The following SPI1 variants were observed in gnomAD, a reference collection of about 807,000 sequenced individuals.
SPI1 encodes the protein Spi-1 proto-oncogene, also known as transcription factor PU.1.
In SPI1, 3 loss-of-function variants were observed where a neutral mutation model predicts 30.7. The observed-to-expected ratio is 0.10, with a 90% CI of 0.04 to 0.25. SPI1 has a LOEUF of 0.25. Ranked by LOEUF, SPI1 falls within the 10% of genes least tolerant of loss-of-function variation. The pLI is 1.00. For synonymous variants in SPI1, 169 were observed against 157.1 expected, an observed-to-expected ratio of 1.08 and a Z score of -0.56; for missense variants, 261 against 371.5, an observed-to-expected ratio of 0.70 and a Z score of 2.45.
chr11:47,358,650 A>G (rs1375118733), intron 4 of SPI1, 194 bp downstream of exon 4: 2 of 712,384 alleles, frequency 2.8e-6, no homozygotes, highest in Non-Finnish European at 5.1e-6. Context: ...AGATGCCCGT[A>G]TGCACTACAC....
chr11:47,376,246 G>A (rs905839730), intron 1 of SPI1, among the ~76,000 whole-genome samples: 18 of 151,672 alleles, frequency 1.2e-4, no homozygotes, highest in African/African-American at 3.9e-4. Context: ...ATGCACACAC[G>A]CAGAGTCTCC....
At chr11:47,367,135 ATAAAT>A (rs1459019604) in intron 2 of SPI1, among the ~76,000 whole-genome samples, 2 of 152,224 alleles carry the variant, frequency 1.3e-5, no homozygotes, top group African/African-American at 2.4e-5. Context: ...GGGTGTGTGA[ATAAAT>A]TAATGAATGT....
intron 4 of SPI1, 117 bp from the exon 5 acceptor site, chr11:47,355,663 G>T (rs1306873193): frequency 3.5e-6 from 3 of 852,548 alleles, no homozygotes; most frequent in Admixed American, 3.0e-5. Flanking sequence ...CAGGGGAACG[G>T]CTGCCCCAGC....
At chr11:47,366,855 A>C (rs1449113119) in intron 2 of SPI1, among the ~76,000 whole-genome samples, 1 of 150,250 alleles carries the variant, frequency 6.7e-6, no homozygotes, top group Non-Finnish European at 1.5e-5. Flanking sequence ...AAGAAAAGAA[A>C]CAGGCTCAGA....
intron 2 of SPI1, among the ~76,000 whole-genome samples, chr11:47,362,663 C>T (rs2095922542): frequency 6.6e-6 from 1 of 150,472 alleles, no homozygotes; most frequent in Non-Finnish European, 1.5e-5. Flanking sequence ...GCAACCTCCA[C>T]CTCCCGGGTT....
chr11:47,356,451 G>A (rs1274172815), intron 4 of SPI1, among the ~76,000 whole-genome samples: 1 of 147,476 alleles, frequency 6.8e-6, no homozygotes. Context: ...CACACACTCA[G>A]ACCCACTTAC....
At chr11:47,355,658 G>C in intron 4 of SPI1, 112 bp from the exon 5 acceptor site, 1 of 924,952 alleles carries the variant, frequency 1.1e-6, no homozygotes, top group South Asian at 1.8e-5. Flanking sequence ...AAGGGCAGGG[G>C]AACGGCTGCC....
chr11:47,355,500 G>C lies in SPI1; in HGVS notation c.540C>G (p.Leu180=), dbSNP rs1595853070. The C allele has an allele frequency of 6.2e-7, 1 of 1,610,758 alleles. No individual in the cohort carries two copies. The highest frequency in any genetic ancestry group is 1.1e-5 in the South Asian group (1 of 90,606). Residue 180 remains leucine (L), a synonymous_variant, in exon 5 of 5, where the codon CTC becomes CTG. Coordinates refer to ENST00000378538, the MANE Select transcript of SPI1 (RefSeq NM_003120.3). ...IRLYQFLLDL[L]RSGDMKDSIW... ...TGCTGTCCTTCATGTCGCCGCTGCG[G>C]AGCAGGTCCAACAGGAACTGGTACA...
intron 4 of SPI1, 70 bp from the exon 5 acceptor site, chr11:47,355,616 A>C: frequency 1.1e-5 from 15 of 1,325,830 alleles, no homozygotes; most frequent in Non-Finnish European, 1.5e-5. Flanking sequence ...CGCCTTGCGT[A>C]CGCACAGGGG....
chr11:47,364,803 A>G (rs1313755154), intron 2 of SPI1, among the ~76,000 whole-genome samples: 3 of 152,136 alleles, frequency 2.0e-5, no homozygotes, highest in Non-Finnish European at 4.4e-5. Context: ...GAGAGGCTGG[A>G]AAAGCCTGTA....
At chr11:47,372,010 C>T (rs758553765) in intron 2 of SPI1, among the ~76,000 whole-genome samples, 21 of 152,168 alleles carry the variant, frequency 1.4e-4, no homozygotes, top group Non-Finnish European at 2.5e-4. Context: ...GCTCAGCTGC[C>T]ACCTCAAAGG....
intron 2 of SPI1, among the ~76,000 whole-genome samples, chr11:47,367,747 AATTT>A (rs2095930417): frequency 7.4e-6 from 1 of 135,552 alleles, no homozygotes; most frequent in South Asian, 2.5e-4. Flanking sequence ...ATGATGGTTA[AATTT>A]TTTTTTTTTT....
rs146222263 is a variant in SPI1 at position 47,375,624 on chromosome 11, C to G, written c.142+9G>C. On this transcript the variant is annotated intron_variant, in intron 2 of 4. Transcript: ENST00000378538. This position sits in a 1 kb window ranked among gnomAD's most constrained non-coding sequence, Gnocchi z 4.2. ...TGGGGGATGGGGGCGTGGCAGGCCC[C>G]GTACTCACCGCTATGGCTCTCCCCA... 4.3e-5 allele frequency: 69 copies of G among 1,610,642 alleles called. 1 individual carries two copies. The South Asian group carries it at 6.9e-4, about 16-fold the overall frequency.
At chr11:47,358,067 C>T (rs1045066913) in intron 4 of SPI1, 2 of 172,016 alleles carry the variant, frequency 1.2e-5, no homozygotes, top group South Asian at 1.3e-4. Context: ...ATGCACAGAC[C>T]TGCTCACATA....
rs982915514 is a variant in SPI1 at position 47,374,419 on chromosome 11, G to T, written c.142+1214C>A. Among the ~76,000 whole-genome samples, 2 of 152,236 alleles carry T rather than the reference G, an allele frequency of 1.3e-5. No homozygotes were observed. The highest frequency in any genetic ancestry group is 1.3e-4 in the Admixed American group (2 of 15,290). On this transcript the variant is annotated intron_variant, in intron 2 of 4. Coordinates refer to ENST00000378538, the MANE Select transcript of SPI1 (RefSeq NM_003120.3). This position sits in a 1 kb window ranked among gnomAD's most constrained non-coding sequence, Gnocchi z 4.5. ...GCCTACCCCTGGGATATGGCTTCCAGTCTGAGTTCCGGATGAATCTGGGGC... is the reference window on the plus strand; with the variant it reads ...GCCTACCCCTGGGATATGGCTTCCATTCTGAGTTCCGGATGAATCTGGGGC...
At chr11:47,370,719 T>A (rs1329810704) in intron 2 of SPI1, among the ~76,000 whole-genome samples, 2 of 151,872 alleles carry the variant, frequency 1.3e-5, no homozygotes, top group Non-Finnish European at 2.9e-5. Context: ...TAATAATAAT[T>A]AAAAGAAATA....
rs1595857406 is a variant in SPI1 at position 47,359,872 on chromosome 11, T to C, written c.311A>G (p.His104Arg). Residue 104 changes from histidine to arginine, a missense_variant, in exon 3 of 5, where the codon CAT (histidine) becomes CGT (arginine). Physicochemically the swap from His to Arg is conservative, Grantham distance 29 (BLOSUM62 0). Around this residue, in one of 5 missense-constraint regions of SPI1, gnomAD observed 106 missense variants for 102.0 expected, o/e 1.04. Transcript: ENST00000378538. The surrounding 1 kb of genome is among the most constrained non-coding windows in gnomAD (Gnocchi z 5.1). ...HVLDTPMVPP[H>R]PSLGHQVSYL... ...ATGCACCTGGTGGCCAAGACTGGGA[T>C]GGGGTGGCACCATGGGGGTATCGAG... 6.2e-7 allele frequency: 1 copy of C among 1,606,636 alleles called. No homozygotes were observed. The highest frequency in any genetic ancestry group is 2.2e-5 in the East Asian group (1 of 44,836).
At chr11:47,358,737 A>G in intron 4 of SPI1, 107 bp downstream of exon 4, 1 of 1,115,898 alleles carries the variant, frequency 9.0e-7, no homozygotes, top group Non-Finnish European at 1.3e-6. Context: ...ACACACACAC[A>G]CACGCGACTC....
intron 2 of SPI1, among the ~76,000 whole-genome samples, chr11:47,364,640 G>GT (rs1595859689): frequency 6.6e-6 from 1 of 152,060 alleles, no homozygotes; most frequent in Non-Finnish European, 1.5e-5. Context: ...CACCCCTTAG[G>GT]TGTGGGGTAA....
Sources: allele counts gnomAD v4.1 joint callset (sites outside exome capture counted in the v4.1 genomes callset), GRCh38; gene constraint gnomAD v4.1.1; regional missense constraint gnomAD v4.1.1; non-coding constraint Gnocchi (gnomAD v3.1); transcripts MANE v1.5; gene names NCBI Gene and HGNC (gene_info 2026-07-23, HGNC 2026-07-21).